The following ZNF503 variants were observed in gnomAD, a reference collection of about 807,000 sequenced individuals.
ZNF503 encodes the protein zinc finger protein 503, also known as NocA-like zinc finger 2.
A neutral mutation model predicts 34.4 loss-of-function variants in ZNF503; 15 were observed. The observed-to-expected ratio is 0.44, with a 90% CI of 0.29 to 0.67. ZNF503 has a LOEUF of 0.67. Ranked by LOEUF, ZNF503 falls within the 30% of genes least tolerant of loss-of-function variation. ZNF503 has a pLI of 0.13. For missense variants in ZNF503, 1,007 were observed against 926.8 expected (o/e 1.09, Z -1.12); for synonymous variants, 580 against 456.8 (o/e 1.27, Z -3.44).
the ZNF503 span, among the ~76,000 whole-genome samples, chr10:75,331,844 G>A: frequency 3.3e-5 from 5 of 152,238 alleles, no homozygotes; most frequent in African/African-American, 1.2e-4. Context: ...TATAGCAGGT[G>A]CTCCAGTGTT....
At chr10:75,358,714 G>A in the ZNF503 span, 1 of 152,246 alleles carries the variant, frequency 6.6e-6, no homozygotes, top group Non-Finnish European at 1.5e-5. Context: ...TCAGGTAGGA[G>A]ACAATGAATG....
the ZNF503 span, among the ~76,000 whole-genome samples, chr10:75,340,585 A>G: frequency 6.6e-6 from 1 of 151,986 alleles, no homozygotes; most frequent in East Asian, 1.9e-4. Flanking sequence ...TGAAAAGGAC[A>G]CTGCTGCTGT....
chr10:75,389,007 G>T, the ZNF503 span, among the ~76,000 whole-genome samples: 1 of 152,198 alleles, frequency 6.6e-6, no homozygotes, highest in East Asian at 1.9e-4. Context: ...AAAGGTTGAG[G>T]TTTCTGCATC....
the ZNF503 span, among the ~76,000 whole-genome samples, chr10:75,306,963 C>T: frequency 6.6e-6 from 1 of 152,078 alleles, no homozygotes; most frequent in East Asian, 1.9e-4. Context: ...CCCTGTGACA[C>T]AATAATATTG....
downstream of ZNF503, among the ~76,000 whole-genome samples, chr10:75,396,808 C>T (rs1381907872): frequency 6.6e-6 from 1 of 152,102 alleles, no homozygotes; most frequent in Non-Finnish European, 1.5e-5. This position sits in a 1 kb window ranked among gnomAD's most constrained non-coding sequence, Gnocchi z 4.4. Flanking sequence ...AGGCCTGGAG[C>T]GTCTGGGAGG....
chr10:75,280,762 C>T, the ZNF503 span, among the ~76,000 whole-genome samples: 1 of 152,016 alleles, frequency 6.6e-6, no homozygotes, highest in East Asian at 1.9e-4. Context: ...GAGAAATAAG[C>T]ATTTGTATGA....
the ZNF503 span, among the ~76,000 whole-genome samples, chr10:75,380,057 G>C: frequency 6.6e-6 from 1 of 152,198 alleles, no homozygotes; most frequent in Non-Finnish European, 1.5e-5. Context: ...GTGTGAACCA[G>C]ACCTGCTCAC....
Position 75,401,421 on chromosome 10 carries a change from A to T in ZNF503, c.-2T>A. The T allele has an allele frequency of 6.5e-7, 1 of 1,534,894 alleles. No individual in the cohort carries two copies. The highest frequency in any genetic ancestry group is 8.7e-7 in the Non-Finnish European group (1 of 1,145,406). On this transcript the variant is annotated 5_prime_UTR_variant, in exon 1 of 2. Transcript: ENST00000372524. ...AGAAAGCGAGGGCGCTGTGCTCATG[A>T]CCCACCCGCGCGCATGGGAGCAGCG... is the stretch of plus-strand genomic sequence containing the variant.
the ZNF503 span, among the ~76,000 whole-genome samples, chr10:75,388,130 T>C: frequency 1.2e-4 from 19 of 152,190 alleles, no homozygotes; most frequent in African/African-American, 4.6e-4. Flanking sequence ...CAGCAGACCA[T>C]GTCCAAGTCC....
In ZNF503 at chr10:75,401,608, C is replaced by A; in HGVS notation, c.-189G>T. The A allele has an allele frequency of 1.4e-6, 1 of 691,864 alleles. No homozygotes were observed. The highest frequency in any genetic ancestry group is 2.9e-5 in the Admixed American group (1 of 34,248). The allele number at this position is 691,864 out of a possible 1,614,324, so 42.9% of individuals were successfully genotyped here. A position where few individuals can be genotyped will look rare whatever the true frequency, so the allele number is the denominator to read the frequency against. On this transcript the variant is annotated 5_prime_UTR_variant, in exon 1 of 2. Transcript: ENST00000372524. ...GCGAGTAATCCTGGGTGGCCCGCAGCGGAGCCGTGGCCGGGCTAGAGGAGC... is the reference window on the plus strand; with the variant it reads ...GCGAGTAATCCTGGGTGGCCCGCAGAGGAGCCGTGGCCGGGCTAGAGGAGC...
chr10:75,318,039 C>T, the ZNF503 span, among the ~76,000 whole-genome samples: 1 of 152,064 alleles, frequency 6.6e-6, no homozygotes, highest in Admixed American at 6.6e-5. Flanking sequence ...ATCTTTTATA[C>T]TTGAAATTTG....
chr10:75,333,524 T>A, the ZNF503 span, among the ~76,000 whole-genome samples: 2 of 45,624 alleles, frequency 4.4e-5, no homozygotes, highest in African/African-American at 9.8e-5. Context: ...CACTTCCCAG[T>A]AGGGGCGGCC....
Position 75,399,792 on chromosome 10 carries a change from C to T in ZNF503, c.898G>A (p.Gly300Arg). ...CCCAGAGCCTTGCCTCCCGGGCCCC[C>T]ATCCGGATGCTGGTTCACATCCACA... ...INVDVNQHPDGGPGGKALGSD... is the reference protein window; with the variant it reads ...INVDVNQHPDRGPGGKALGSD... The change falls in exon 2 of 2, where the codon GGG (glycine) becomes AGG (arginine). Residue 300 changes from glycine to arginine, a missense_variant. Gly to Arg is a moderately radical substitution (Grantham distance 125). Transcript: ENST00000372524. The T allele has an allele frequency of 1.9e-6, 3 of 1,597,834 alleles. No individual in the cohort carries two copies. The highest frequency in any genetic ancestry group is 2.6e-6 in the Non-Finnish European group (3 of 1,175,068).
chr10:75,303,946 G>T, the ZNF503 span, among the ~76,000 whole-genome samples: 21 of 149,542 alleles, frequency 1.4e-4, no homozygotes, highest in South Asian at 2.1e-4. Flanking sequence ...CAATTCTCCT[G>T]CCTCAGCCTC....
the ZNF503 span, among the ~76,000 whole-genome samples, chr10:75,299,713 G>T: frequency 6.6e-6 from 1 of 152,268 alleles, no homozygotes; most frequent in South Asian, 2.1e-4. Context: ...TTAAAGCTGG[G>T]CATCTGGGGG....
chr10:75,354,875 T>C, the ZNF503 span, among the ~76,000 whole-genome samples: 1 of 152,174 alleles, frequency 6.6e-6, no homozygotes, highest in African/African-American at 2.4e-5. Context: ...AGATGGAGTC[T>C]CACTCTATCG....
chr10:75,313,891 A>G, the ZNF503 span, among the ~76,000 whole-genome samples: 37 of 152,306 alleles, frequency 2.4e-4, no homozygotes, highest in South Asian at 7.5e-3. Flanking sequence ...CAATCTTAAG[A>G]ATTTTGCCAC....
the ZNF503 span, among the ~76,000 whole-genome samples, chr10:75,353,884 G>A: frequency 6.6e-6 from 1 of 152,226 alleles, no homozygotes; most frequent in East Asian, 1.9e-4. Flanking sequence ...AGATGCGAGA[G>A]TGGAACACGC....
chr10:75,369,327 A>G, the ZNF503 span, among the ~76,000 whole-genome samples: 2 of 152,140 alleles, frequency 1.3e-5, no homozygotes, highest in Non-Finnish European at 2.9e-5. Context: ...TTGAATTGTC[A>G]TAACCCCCAT....
Sources: gnomAD v4.1 joint callset for allele counts (sites outside exome capture counted in the v4.1 genomes callset) on GRCh38, gnomAD v4.1.1 for gene constraint, Gnocchi (gnomAD v3.1) non-coding constraint, MANE v1.5 for transcripts, NCBI Gene and HGNC (gene_info 2026-07-23, HGNC 2026-07-21) for gene names.